RANBP17: variants seen among roughly 807,000 people sequenced by gnomAD.
RANBP17 encodes the protein ran-binding protein 17.
RANBP17 carries 158 observed loss-of-function variants against 141.2 expected under a neutral mutation model. That is an observed-to-expected ratio of 1.12 (90% CI 0.98 to 1.28). The LOEUF (loss-of-function observed/expected upper bound fraction) is 1.28. Among genes scored for constraint, RANBP17 ranks in the 50% most tolerant of loss-of-function variants. The pLI, the probability that RANBP17 is intolerant of heterozygous loss-of-function variation, is 0.00. For synonymous variants in RANBP17, 430 were observed against 450.0 expected (o/e 0.96, Z 0.56); for missense variants, 1,438 against 1,290.7 (o/e 1.11, Z -1.75).
intron 14 of RANBP17, among the ~76,000 whole-genome samples, chr5:171,167,469 G>T (rs545751871): frequency 6.6e-6 from 1 of 152,060 alleles, no homozygotes; most frequent in South Asian, 2.1e-4. Flanking sequence ...ACAATAAGAA[G>T]AAAATAAGTA....
chr5:171,257,941 AC>A (rs1482250607), intron 24 of RANBP17, among the ~76,000 whole-genome samples: 6 of 152,072 alleles, frequency 3.9e-5, no homozygotes, highest in Admixed American at 1.3e-4. Context: ...CCCCGCCTCT[AC>A]TAAAAATACA....
chr5:170,952,993 C>T (rs769907267), intron 12 of RANBP17, among the ~76,000 whole-genome samples: 1 of 152,086 alleles, frequency 6.6e-6, no homozygotes, highest in Non-Finnish European at 1.5e-5. Flanking sequence ...ATTTAATCCT[C>T]TACTACTATC....
intron 14 of RANBP17, among the ~76,000 whole-genome samples, chr5:171,157,081 C>T (rs779999876): frequency 6.6e-6 from 1 of 152,164 alleles, no homozygotes; most frequent in Non-Finnish European, 1.5e-5. Context: ...AAATGCAGCT[C>T]ACTTGTAAGC....
intron 12 of RANBP17, among the ~76,000 whole-genome samples, chr5:170,930,250 G>C (rs1773240606): frequency 6.6e-6 from 1 of 151,380 alleles, no homozygotes; most frequent in African/African-American, 2.4e-5. Context: ...GCAGATCTTT[G>C]AGTTTTAGAT....
chr5:171,004,305 A>G (rs760683198), intron 14 of RANBP17, among the ~76,000 whole-genome samples: 9 of 152,084 alleles, frequency 5.9e-5, no homozygotes, highest in Non-Finnish European at 1.2e-4. Flanking sequence ...TGGCAATGAG[A>G]TGTGGCTGCA....
chr5:171,078,514 A>G (rs183762194), intron 14 of RANBP17, among the ~76,000 whole-genome samples: 5 of 152,366 alleles, frequency 3.3e-5, no homozygotes, highest in Admixed American at 2.0e-4. Flanking sequence ...AATGCCATCT[A>G]GAACTTTCCT....
intron 14 of RANBP17, chr5:170,983,134 G>A: frequency 1.9e-6 from 1 of 518,202 alleles, no homozygotes. Context: ...AGGGAGAGAT[G>A]GGATCTGAGA....
chr5:171,075,222 A>T (rs1207143808), intron 14 of RANBP17, among the ~76,000 whole-genome samples: 2 of 152,220 alleles, frequency 1.3e-5, no homozygotes, highest in African/African-American at 4.8e-5. Flanking sequence ...CTAATATGAT[A>T]ATTTGCCTTT....
At chr5:171,232,078 C>T (rs1020528723) in intron 22 of RANBP17, among the ~76,000 whole-genome samples, 2 of 152,112 alleles carry the variant, frequency 1.3e-5, no homozygotes, top group African/African-American at 4.8e-5. Context: ...TTCACCTATG[C>T]TCTAGGTAAT....
intron 14 of RANBP17, among the ~76,000 whole-genome samples, chr5:171,095,326 G>T (rs1440720946): frequency 6.6e-6 from 1 of 151,992 alleles, no homozygotes; most frequent in Non-Finnish European, 1.5e-5. Context: ...TGTACTTGTT[G>T]TGACAACTTT....
At chr5:171,038,575 G>T (rs886716810) in intron 14 of RANBP17, among the ~76,000 whole-genome samples, 1 of 151,994 alleles carries the variant, frequency 6.6e-6, no homozygotes, top group Non-Finnish European at 1.5e-5. Flanking sequence ...ATCATGTCGG[G>T]TATGGGTTTG....
At chr5:170,891,903 A>T (rs1042321716) in intron 3 of RANBP17, among the ~76,000 whole-genome samples, 1 of 152,234 alleles carries the variant, frequency 6.6e-6, no homozygotes, top group Non-Finnish European at 1.5e-5. Context: ...ATGCAGAAAC[A>T]AAAGTGACAT....
chr5:171,219,155 A>G (rs1388487861), intron 21 of RANBP17, among the ~76,000 whole-genome samples: 1 of 152,184 alleles, frequency 6.6e-6, no homozygotes, highest in Non-Finnish European at 1.5e-5. Flanking sequence ...TATGAAGCTT[A>G]GTTTGGCTGG....
Position 171,141,256 on chromosome 5 carries a change from A to C in RANBP17, c.1711-28874A>C, listed in dbSNP as rs564051990. Among the ~76,000 whole-genome samples, 84 of 152,216 alleles carry C rather than the reference A, an allele frequency of 5.5e-4. 1 individual carries two copies. The South Asian group carries it at 0.014, about 26-fold the overall frequency. On this transcript the variant is annotated intron_variant, in intron 14 of 27. Coordinates refer to ENST00000523189, the MANE Select transcript of RANBP17 (RefSeq NM_022897.5). ...AAAGTATACTCAGACTTACAAGTTC[A>C]ATTGAGTTAGTATTTAAAGTTGGTT...
chr5:170,894,014 G>A (rs1204273568), intron 4 of RANBP17, among the ~76,000 whole-genome samples: 1 of 152,088 alleles, frequency 6.6e-6, no homozygotes, highest in Non-Finnish European at 1.5e-5. Flanking sequence ...GAAATGCTAG[G>A]TTATGCTGCT....
At chr5:171,221,991 T>C in intron 22 of RANBP17, 151 bp downstream of exon 22, 1 of 598,564 alleles carries the variant, frequency 1.7e-6, no homozygotes, top group Non-Finnish European at 2.9e-6. Flanking sequence ...TTAGCTATCA[T>C]ATTGGCATCA....
intron 14 of RANBP17, among the ~76,000 whole-genome samples, chr5:171,031,122 C>T (rs1398959661): frequency 6.6e-6 from 1 of 151,774 alleles, no homozygotes; most frequent in East Asian, 1.9e-4. Context: ...GTCTTTAAAA[C>T]ATTAGAGCAG....
intron 14 of RANBP17, among the ~76,000 whole-genome samples, chr5:171,086,716 A>T (rs1213044085): frequency 6.7e-6 from 1 of 149,494 alleles, no homozygotes; most frequent in Admixed American, 6.7e-5. Flanking sequence ...CGAGGAATTT[A>T]TCCATTTCTT....
In RANBP17 at chr5:171,224,788, A is replaced by G. The variant is rs191580976; in HGVS notation, c.2422+2948A>G. Among the ~76,000 whole-genome samples, 928 of 152,304 alleles carry G rather than the reference A, an allele frequency of 6.1e-3. 6 individuals are homozygous for G. The highest frequency in any genetic ancestry group is 9.4e-3 in the Non-Finnish European group (637 of 68,008). On this transcript the variant is annotated intron_variant, in intron 22 of 27. Coordinates refer to ENST00000523189, the MANE Select transcript of RANBP17 (RefSeq NM_022897.5). ...AGATTAGAGTAAGGCTCTGCTCCTC[A>G]ATTTAGACTAATAGTATTGGTAGCT... is the stretch of plus-strand genomic sequence containing the variant.
Sources: gnomAD v4.1 joint callset for allele counts (sites outside exome capture counted in the v4.1 genomes callset) on GRCh38, gnomAD v4.1.1 for gene constraint, MANE v1.5 for transcripts, NCBI Gene and HGNC (gene_info 2026-07-23, HGNC 2026-07-21) for gene names.